Variants in IQSEC3 observed in about 807,000 individuals in gnomAD.
IQSEC3 encodes IQ motif and SEC7 domain-containing protein 3.
IQSEC3 carries 50 observed loss-of-function variants against 105.4 expected under a neutral mutation model. That is an observed-to-expected ratio of 0.47 (90% CI 0.38 to 0.60). IQSEC3 has a LOEUF of 0.60. Among genes scored for constraint, IQSEC3 ranks in the 20% least tolerant of loss-of-function variants. The pLI, the probability that IQSEC3 is intolerant of heterozygous loss-of-function variation, is 0.00. For missense variants in IQSEC3, 1,415 were observed against 1,630.0 expected (o/e 0.87, Z 2.27); for synonymous variants, 708 against 746.0 (o/e 0.95, Z 0.83).
In IQSEC3 at chr12:128,549, C is replaced by T. The variant is rs529688364; in HGVS notation, c.903+2637C>T. Among the ~76,000 whole-genome samples the T allele has an allele frequency of 3.0e-4, 45 of 152,232 alleles. 1 individual carries two copies. In the Middle Eastern group the frequency reaches 0.01, roughly 35 times the overall value. ...GGACAATCTTAGCTCCCCAGCCCAC[C>T]GACCCGCCAAGCCTCCTCTGTCAGC... On this transcript the variant is annotated intron_variant, in intron 3 of 13. Transcript: ENST00000538872.
Position 138,145 on chromosome 12 carries a change from C to A in IQSEC3, c.904-122C>A. 1 of 869,646 alleles carries A rather than the reference C, an allele frequency of 1.1e-6. No homozygotes were observed. The highest frequency in any genetic ancestry group is 1.8e-6 in the Non-Finnish European group (1 of 569,908). 53.9% of individuals were successfully genotyped at this position (869,646 alleles called of 1,614,324 possible). On this transcript the variant is annotated intron_variant, in intron 3 of 13. Transcript: ENST00000538872. The surrounding 1 kb of genome is among the most constrained non-coding windows in gnomAD (Gnocchi z 7.1). ...CAGACTTTAGCTGCCCAGGAGCGCC[C>A]CCCCGCCCCCGTCCATTCCTGGGCC...
rs1373531042 is a variant in IQSEC3 at position 176,156 on chromosome 12, C to CT, written c.*1123_*1124insT. ...CCTCCTAGAAGGTTCTAGACCCCCC[C>CT]CTTCCAGCAGGGGTGCCCAAGAGTC... On this transcript the variant is annotated 3_prime_UTR_variant, in exon 14 of 14. Transcript: ENST00000538872. This position sits in a 1 kb window ranked among gnomAD's most constrained non-coding sequence, Gnocchi z 4.0. 2 of 152,204 alleles carry CT rather than the reference C, an allele frequency of 1.3e-5. No individual in the cohort carries two copies. Among genetic ancestry groups the CT allele is most frequent in the Admixed American group, 1.3e-4 (2 of 15,286 alleles). 9.4% of individuals were successfully genotyped at this position (152,204 alleles called of 1,614,324 possible). A position where few individuals can be genotyped will look rare whatever the true frequency, so the allele number is the denominator to read the frequency against.
chr12:74,554 C>A (rs2136866716), intron 1 of IQSEC3, among the ~76,000 whole-genome samples: 1 of 152,392 alleles, frequency 6.6e-6, no homozygotes, highest in African/African-American at 2.4e-5. Context: ...CTCTTCAAGA[C>A]TGGTGTGCGT....
intron 1 of IQSEC3, among the ~76,000 whole-genome samples, chr12:75,035 T>C (rs1455898137): frequency 1.1e-4 from 16 of 152,284 alleles, no homozygotes; most frequent in Non-Finnish European, 1.8e-4. Context: ...TTCCAGGATA[T>C]CTCAACTATG....
Position 152,688 on chromosome 12 carries a change from C to T in IQSEC3, c.2154-4337C>T, listed in dbSNP as rs1305633176. On this transcript the variant is annotated intron_variant, in intron 5 of 13. Coordinates refer to ENST00000538872, the MANE Select transcript of IQSEC3 (RefSeq NM_001170738.2). This position sits in a 1 kb window ranked among gnomAD's most constrained non-coding sequence, Gnocchi z 4.8. Reference sequence around the variant, plus strand: ...GAACTCCCCCGACTTGAGTAAGGGACCTCCCTGCCACCCCACACACACACA... The same window carrying T: ...GAACTCCCCCGACTTGAGTAAGGGATCTCCCTGCCACCCCACACACACACA... Among the ~76,000 whole-genome samples the T allele has an allele frequency of 2.0e-5, 3 of 152,168 alleles. No individual in the cohort carries two copies. The East Asian group carries it at 5.8e-4, about 29-fold the overall frequency.
chr12:75,841 C>T (rs1410092951), intron 1 of IQSEC3, among the ~76,000 whole-genome samples: 7 of 152,270 alleles, frequency 4.6e-5, no homozygotes, highest in Non-Finnish European at 7.3e-5. Context: ...GGTCCAACAG[C>T]ACAGCTCACT....
In IQSEC3 at chr12:165,904, C is replaced by T. The variant is rs782192177; in HGVS notation, c.2971+14C>T. The T allele has an allele frequency of 1.9e-6, 3 of 1,607,874 alleles. No homozygotes were observed. The highest frequency in any genetic ancestry group is 2.6e-6 in the Non-Finnish European group (3 of 1,175,468). ...TCCGAATAGAGTGTAAGGACACGGG[C>T]TCCCGAGGCAGCTGGTGGGGGTTCC... is the stretch of plus-strand genomic sequence containing the variant. On this transcript the variant is annotated intron_variant, in intron 11 of 13. Transcript: ENST00000538872.
chr12:107,620 C>T (rs1445189034), intron 2 of IQSEC3, among the ~76,000 whole-genome samples: 1 of 151,910 alleles, frequency 6.6e-6, no homozygotes. Context: ...CTGTGTTAGC[C>T]AGGATGGTCT....
rs148021110 is a variant in IQSEC3 at position 111,108 on chromosome 12, T to C, written c.623+11894T>C. Among the ~76,000 whole-genome samples the C allele has an allele frequency of 6.8e-4, 103 of 152,286 alleles. No homozygotes were observed. The East Asian group carries it at 0.012, about 18-fold the overall frequency. On this transcript the variant is annotated intron_variant, in intron 2 of 13. Coordinates refer to ENST00000538872, the MANE Select transcript of IQSEC3 (RefSeq NM_001170738.2). ...TGTTAGGGGATCCCAGGGCTTTTCA[T>C]TGGGTGAGGGCTTTTTACTATGCTC... is the stretch of plus-strand genomic sequence containing the variant.
intron 5 of IQSEC3, among the ~76,000 whole-genome samples, chr12:153,242 C>T (rs539222826): frequency 7.2e-5 from 11 of 152,186 alleles, no homozygotes; most frequent in African/African-American, 2.6e-4. Flanking sequence ...CAGCACAGTC[C>T]CACCCCCAGC....
intron 5 of IQSEC3, among the ~76,000 whole-genome samples, chr12:147,530 C>T (rs1375799230): frequency 6.6e-6 from 1 of 152,172 alleles, no homozygotes; most frequent in Non-Finnish European, 1.5e-5. Context: ...AACCCTGCAC[C>T]ATCCAGCCTC....
rs149383080 is a variant in IQSEC3, at chr12:96,649, C to T, written c.555-2497C>T. Among the ~76,000 whole-genome samples, 480 of 152,272 alleles carry T rather than the reference C, an allele frequency of 3.2e-3. 1 individual carries two copies. Among genetic ancestry groups the T allele is most frequent in the Middle Eastern group, 0.014 (4 of 294 alleles). On this transcript the variant is annotated intron_variant, in intron 1 of 13. Coordinates refer to ENST00000538872, the MANE Select transcript of IQSEC3 (RefSeq NM_001170738.2). ...AATTTGCTACAAATTTGTCTTATTG[C>T]TACAAAGAGTCTGTTTTTTCAGTCT...
intron 2 of IQSEC3, among the ~76,000 whole-genome samples, chr12:123,934 A>T (rs1470620765): frequency 1.3e-5 from 2 of 152,052 alleles, no homozygotes; most frequent in East Asian, 3.9e-4. Context: ...GTCACTGTCC[A>T]CTGTAGAGCC....
intron 2 of IQSEC3, among the ~76,000 whole-genome samples, chr12:123,435 T>C (rs1343086595): frequency 1.3e-5 from 2 of 152,086 alleles, no homozygotes; most frequent in Non-Finnish European, 2.9e-5. Flanking sequence ...AGACACTGGC[T>C]CAAAAATAAA....
At chr12:162,659 C>T (rs527949412) in intron 8 of IQSEC3, among the ~76,000 whole-genome samples, 35 of 152,318 alleles carry the variant, frequency 2.3e-4, no homozygotes, top group Non-Finnish European at 4.6e-4. Flanking sequence ...AGGCCCTGCA[C>T]TGGGCTCCCT....
Position 157,127 on chromosome 12 carries a change from G to A in IQSEC3, c.2256G>A (p.Glu752=). ...IRVQGEAQKV[E]RLIEAFSQRY... Reference sequence around the variant, plus strand: ...TGCAGGGGGAGGCTCAGAAGGTGGAGCGGCTCATTGAGGCCTTCAGGTAAG... The same window carrying A: ...TGCAGGGGGAGGCTCAGAAGGTGGAACGGCTCATTGAGGCCTTCAGGTAAG... Residue 752 remains glutamate (E), a synonymous_variant, in exon 6 of 14, where the codon GAG becomes GAA. Coordinates refer to ENST00000538872, the MANE Select transcript of IQSEC3 (RefSeq NM_001170738.2). 6.3e-7 allele frequency: 1 copy of A among 1,593,394 alleles called. No individual in the cohort carries two copies. Among genetic ancestry groups the A allele is most frequent in the Non-Finnish European group, 8.5e-7 (1 of 1,169,814 alleles).
In IQSEC3 at chr12:125,748, CAGG is replaced by C. The variant is rs782167266; in HGVS notation, c.751_753del (p.Glu251del). 7.2e-6 allele frequency: 11 copies of C among 1,520,708 alleles called. No individual in the cohort carries two copies. The highest frequency in any genetic ancestry group is 4.1e-5 in the Admixed American group (2 of 48,406). 94.2% of individuals were successfully genotyped at this position (1,520,708 alleles called of 1,614,324 possible). A position where few individuals can be genotyped will look rare whatever the true frequency, so the allele number is the denominator to read the frequency against. The stretch of plus-strand genomic sequence containing the variant: ...CCCGAAGGCTCAAGCCCAGGAGCTG[CAGG>C]AGGAGGAGGAGCGGCCGGGGGCAGG... On this transcript the variant is annotated inframe_deletion, in exon 3 of 14. Coordinates refer to ENST00000538872, the MANE Select transcript of IQSEC3 (RefSeq NM_001170738.2).
chr12:123,554 T>A (rs1555082378), intron 2 of IQSEC3, among the ~76,000 whole-genome samples: 1 of 152,150 alleles, frequency 6.6e-6, no homozygotes, highest in Non-Finnish European at 1.5e-5. Context: ...CAATGAAGAT[T>A]TTTCACGGCC....
At position 153,914 on chromosome 12, in the gene IQSEC3, A is replaced by G. The variant is rs369094646; in HGVS notation, c.2154-3111A>G. Among the ~76,000 whole-genome samples, 17 of 152,278 alleles carry G rather than the reference A, an allele frequency of 1.1e-4. No individual in the cohort carries two copies. In the South Asian group the frequency reaches 2.9e-3, roughly 26 times the overall value. On this transcript the variant is annotated intron_variant, in intron 5 of 13. Transcript: ENST00000538872. ...GATCTTGCAGAGAATGCTGATTCCCAGGACTTGCCCCCAAATATTCTAATT... is the reference window on the plus strand; with the variant it reads ...GATCTTGCAGAGAATGCTGATTCCCGGGACTTGCCCCCAAATATTCTAATT...
Sources: gnomAD v4.1 joint callset for allele counts (sites outside exome capture counted in the v4.1 genomes callset) on GRCh38, gnomAD v4.1.1 for gene constraint, Gnocchi (gnomAD v3.1) non-coding constraint, MANE v1.5 for transcripts, NCBI Gene and HGNC (gene_info 2026-07-23, HGNC 2026-07-21) for gene names.